Variants in PCSK5 observed in about 807,000 individuals in gnomAD.
PCSK5 encodes the protein prohormone convertase 5.
A neutral mutation model predicts 233.2 loss-of-function variants in PCSK5; 129 were observed. The ratio of observed to expected loss-of-function variants is 0.55; its 90% CI spans 0.48 to 0.64. PCSK5 has a LOEUF of 0.64. PCSK5 is among the 30% of genes least tolerant of loss of function. PCSK5 has a pLI of 0.00. For missense variants in PCSK5, 2,076 were observed against 2,430.1 expected (o/e 0.85, Z 3.06); for synonymous variants, 825 against 879.2 (o/e 0.94, Z 1.09).
intron 2 of PCSK5, among the ~76,000 whole-genome samples, chr9:75,982,967 A>AT (rs903243977): frequency 1.3e-5 from 2 of 151,594 alleles, no homozygotes; most frequent in Non-Finnish European, 2.9e-5. Context: ...CTTCAGCTTT[A>AT]TTTTTTTTCC....
chr9:76,149,492 A>T (rs1467986547), intron 10 of PCSK5, among the ~76,000 whole-genome samples: 1 of 152,234 alleles, frequency 6.6e-6, no homozygotes, highest in Non-Finnish European at 1.5e-5. Flanking sequence ...GAATTATCTA[A>T]AAGTAATATG....
intron 12 of PCSK5, among the ~76,000 whole-genome samples, chr9:76,165,946 T>C (rs888932230): frequency 1.3e-5 from 2 of 152,256 alleles, no homozygotes; most frequent in Admixed American, 1.3e-4. Context: ...AGTATGTTCT[T>C]TGCAATGCAA....
At chr9:75,948,933 A>G (rs757432071) in intron 2 of PCSK5, among the ~76,000 whole-genome samples, 7 of 152,006 alleles carry the variant, frequency 4.6e-5, no homozygotes, top group Non-Finnish European at 8.8e-5. Flanking sequence ...TAGAAAAACA[A>G]ACCTAGTCAC....
At position 75,976,274 on chromosome 9, in the gene PCSK5, CCACACACACACA is replaced by C. The variant is rs10562995; in HGVS notation, c.298-9820_298-9809del. On this transcript the variant is annotated intron_variant, in intron 2 of 37. Transcript: ENST00000674117. The stretch of plus-strand genomic sequence containing the variant: ...CATGTTGGGTGCATACACACAGACA[CCACACACACACA>C]CACACACACACACACACACACACAC... Among the ~76,000 whole-genome samples, 1,011 of 141,572 alleles carry C rather than the reference CCACACACACACA, an allele frequency of 7.1e-3. 4 individuals carry two copies. Among genetic ancestry groups the C allele is most frequent in the Non-Finnish European group, 8.4e-3 (557 of 65,974 alleles). 92.9% of individuals were successfully genotyped at this position (141,572 alleles called of 152,430 possible). A position where few individuals can be genotyped will look rare whatever the true frequency, so the allele number is the denominator to read the frequency against.
chr9:76,202,854 T>C (rs1252501062), intron 20 of PCSK5, among the ~76,000 whole-genome samples: 1 of 152,224 alleles, frequency 6.6e-6, no homozygotes, highest in Non-Finnish European at 1.5e-5. Context: ...TCTCACTACA[T>C]AGTTTGTTTG....
intron 2 of PCSK5, among the ~76,000 whole-genome samples, chr9:75,944,076 C>A (rs553703765): frequency 6.6e-6 from 1 of 151,916 alleles, no homozygotes; most frequent in Admixed American, 6.6e-5. Flanking sequence ...AATGGGAAGA[C>A]CACTTGAGCC....
chr9:76,028,887 G>T (rs1477875578), intron 5 of PCSK5, among the ~76,000 whole-genome samples: 1 of 152,180 alleles, frequency 6.6e-6, no homozygotes, highest in African/African-American at 2.4e-5. Context: ...ACAGCTTAAA[G>T]GTTAGAAGCA....
chr9:76,351,507 A>AAGGAAGGAAG (rs1564196809), intron 36 of PCSK5, among the ~76,000 whole-genome samples: 1 of 56,142 alleles, frequency 1.8e-5, no homozygotes, highest in African/African-American at 3.9e-5. Context: ...AAAGAAAGAA[A>AAGGAAGGAAG]GAAAGAAAGA....
intron 24 of PCSK5, among the ~76,000 whole-genome samples, chr9:76,246,209 G>T (rs1826587758): frequency 1.3e-5 from 2 of 151,796 alleles, no homozygotes; most frequent in Admixed American, 6.6e-5. Flanking sequence ...GAACATGATG[G>T]CTCAAACCTG....
intron 20 of PCSK5, among the ~76,000 whole-genome samples, chr9:76,197,683 T>C (rs1421342940): frequency 1.4e-5 from 2 of 147,340 alleles, no homozygotes; most frequent in Non-Finnish European, 3.0e-5. Context: ...TTTTAAACTA[T>C]GGCTCAGCCA....
chr9:76,017,024 G>A (rs1827975242), intron 3 of PCSK5, among the ~76,000 whole-genome samples: 1 of 151,514 alleles, frequency 6.6e-6, no homozygotes, highest in African/African-American at 2.4e-5. Flanking sequence ...ATGATCTTAT[G>A]TCAAGACTGT....
chr9:75,926,494 G>A (rs948123013), intron 1 of PCSK5, among the ~76,000 whole-genome samples: 1 of 152,148 alleles, frequency 6.6e-6, no homozygotes, highest in African/African-American at 2.4e-5. Flanking sequence ...GTTAGAAGGC[G>A]ATGAGGAGGA....
chr9:76,253,992 T>C (rs1826897965), intron 24 of PCSK5, among the ~76,000 whole-genome samples: 3 of 152,190 alleles, frequency 2.0e-5, no homozygotes, highest in Non-Finnish European at 2.9e-5. Context: ...TACATCTTCA[T>C]CATGGGTGAG....
chr9:76,031,682 C>T (rs1377402740), intron 5 of PCSK5, among the ~76,000 whole-genome samples: 2 of 152,040 alleles, frequency 1.3e-5, no homozygotes, highest in Non-Finnish European at 2.9e-5. Context: ...GAGCGAGACC[C>T]TGTCTCAAAA....
chr9:75,936,834 T>G (rs369447599), intron 2 of PCSK5, among the ~76,000 whole-genome samples: 10 of 152,310 alleles, frequency 6.6e-5, no homozygotes, highest in East Asian at 5.8e-4. Context: ...AGTTTACTTT[T>G]CCAGATCCAT....
In PCSK5 at chr9:76,188,656, C is replaced by A. The variant is rs140834236; in HGVS notation, c.2361C>A (p.Arg787=). Residue 787 remains arginine, a synonymous_variant, in exon 18 of 38, where the codon CGC becomes CGA. Coordinates refer to ENST00000674117, the MANE Select transcript of PCSK5 (RefSeq NM_001372043.1). ...GCCAGGACTGCCAGCCCTGCCACCG[C>A]TTCTGCGCCACTTGTGCTGGTACCT... ...FNGQDCQPCH[R]FCATCAGAGA... is the part of the protein sequence containing the mutation. 1.4e-4 allele frequency: 220 copies of A among 1,613,114 alleles called. No homozygotes were observed. The highest frequency in any genetic ancestry group is 1.8e-4 in the Non-Finnish European group (214 of 1,179,180).
intron 24 of PCSK5, among the ~76,000 whole-genome samples, chr9:76,279,116 T>G (rs866489575): frequency 7.5e-6 from 1 of 133,506 alleles, no homozygotes; most frequent in East Asian, 2.3e-4. Context: ...CCTGTGTCCA[T>G]GTGATCTCAT....
At chr9:76,347,782 A>C (rs1000109756) in intron 35 of PCSK5, among the ~76,000 whole-genome samples, 1 of 151,920 alleles carries the variant, frequency 6.6e-6, no homozygotes, top group Non-Finnish European at 1.5e-5. Flanking sequence ...AAAAAAAAGA[A>C]AGAAAATGTA....
chr9:76,034,543 C>G (rs1828776977), intron 5 of PCSK5, among the ~76,000 whole-genome samples: 1 of 152,018 alleles, frequency 6.6e-6, no homozygotes, highest in African/African-American at 2.4e-5. Context: ...GGATTTGTGT[C>G]ATTCCTCTAA....
Sources: allele counts gnomAD v4.1 joint callset (sites outside exome capture counted in the v4.1 genomes callset), GRCh38; gene constraint gnomAD v4.1.1; transcripts MANE v1.5; gene names NCBI Gene and HGNC (gene_info 2026-07-23, HGNC 2026-07-21).